PRKAR1B: variants seen among roughly 807,000 people sequenced by gnomAD.
The protein encoded by PRKAR1B is cAMP-dependent protein kinase type I-beta regulatory subunit.
In PRKAR1B, 22 loss-of-function variants were observed where a neutral mutation model predicts 46.5. That is an observed-to-expected ratio of 0.47 (90% CI 0.34 to 0.68). The LOEUF (loss-of-function observed/expected upper bound fraction) is 0.68, where lower values mean the gene tolerates loss of function less well. Ranked by LOEUF, PRKAR1B falls within the 30% of genes least tolerant of loss-of-function variation. The pLI is 0.01. For synonymous variants in PRKAR1B, 259 were observed against 217.7 expected (o/e 1.19, Z -1.67); for missense variants, 445 against 535.6 (o/e 0.83, Z 1.67).
chr7:581,662 A>G (rs1780193684), intron 8 of PRKAR1B, among the ~76,000 whole-genome samples: 1 of 152,246 alleles, frequency 6.6e-6, no homozygotes, highest in African/African-American at 2.4e-5. Context: ...TCCTGGCTAC[A>G]TTAATCTTGG....
At chr7:703,650 T>C (rs1780173730) in intron 2 of PRKAR1B, among the ~76,000 whole-genome samples, 3 of 142,990 alleles carry the variant, frequency 2.1e-5, no homozygotes, top group Non-Finnish European at 4.5e-5. Flanking sequence ...AGCAAGACTC[T>C]GTCTCAAAAA....
intron 4 of PRKAR1B, among the ~76,000 whole-genome samples, chr7:632,353 C>T (rs558383461): frequency 9.8e-5 from 15 of 152,290 alleles, no homozygotes; most frequent in African/African-American, 2.4e-4. Flanking sequence ...CGCAGAGACC[C>T]GGACTCGAGA....
At position 726,670 on chromosome 7, in the gene PRKAR1B, C is replaced by G. The variant is rs371578096; in HGVS notation, c.-23+540G>C. The G allele has an allele frequency of 1.2e-3, 1,433 of 1,202,056 alleles. 21 individuals carry two copies. In the African/African-American group the frequency reaches 0.02, roughly 17 times the overall value. 74.5% of individuals were successfully genotyped at this position (1,202,056 alleles called of 1,614,324 possible). ...ACCGGAAGTGCTGCCGTAATCTGCGCTGAGAGTCGCGAAAGCGCTGTTCCC... is the reference window on the plus strand; with the variant it reads ...ACCGGAAGTGCTGCCGTAATCTGCGGTGAGAGTCGCGAAAGCGCTGTTCCC... On this transcript the variant is annotated intron_variant, in intron 1 of 10. Coordinates refer to ENST00000537384, the MANE Select transcript of PRKAR1B (RefSeq NM_001164760.2).
intron 2 of PRKAR1B, among the ~76,000 whole-genome samples, chr7:701,235 GGGAA>G (rs1455115773): frequency 3.5e-5 from 5 of 141,518 alleles, no homozygotes; most frequent in Admixed American, 7.5e-5. Context: ...GAAGGAGGGA[GGGAA>G]GGAAGGAAGG....
At chr7:578,646 C>T (rs980179802) in intron 9 of PRKAR1B, 6 of 167,478 alleles carry the variant, frequency 3.6e-5, no homozygotes, top group African/African-American at 1.4e-4. Context: ...CCCTCGCACG[C>T]CCTGTGTGCA....
chr7:562,190 C>T (rs1458074503), intron 9 of PRKAR1B, among the ~76,000 whole-genome samples: 2 of 151,774 alleles, frequency 1.3e-5, no homozygotes, highest in African/African-American at 4.8e-5. Flanking sequence ...TCTGCAGGTT[C>T]CGGGGAACCA....
At chr7:629,562 C>T (rs1248505109) in intron 4 of PRKAR1B, among the ~76,000 whole-genome samples, 1 of 98,802 alleles carries the variant, frequency 1.0e-5, no homozygotes. Flanking sequence ...CCACGGCCTC[C>T]CAGGGCGCCA....
chr7:601,168 C>T (rs560032444), intron 6 of PRKAR1B, among the ~76,000 whole-genome samples: 226 of 152,324 alleles, frequency 1.5e-3, no homozygotes, highest in African/African-American at 5.1e-3. Flanking sequence ...CAGTTAAATA[C>T]CCACGGCAAA....
chr7:627,717 C>T (rs1283407019), intron 4 of PRKAR1B, among the ~76,000 whole-genome samples: 2 of 152,106 alleles, frequency 1.3e-5, no homozygotes, highest in Non-Finnish European at 2.9e-5. Context: ...CCAGAGCCCC[C>T]CGCCCAGCTC....
intron 6 of PRKAR1B, among the ~76,000 whole-genome samples, chr7:597,077 T>C (rs1487154957): frequency 3.3e-5 from 5 of 152,262 alleles, no homozygotes; most frequent in Non-Finnish European, 7.3e-5. Context: ...AGATTGTTTA[T>C]TATGCAGTGA....
intron 6 of PRKAR1B, among the ~76,000 whole-genome samples, chr7:601,772 C>T (rs1781615511): frequency 6.6e-6 from 1 of 152,226 alleles, no homozygotes; most frequent in Admixed American, 6.5e-5. Context: ...GCCCGGCCAT[C>T]CCACGTGAGC....
chr7:578,380 G>A (rs1197011452), intron 9 of PRKAR1B, among the ~76,000 whole-genome samples: 1 of 152,232 alleles, frequency 6.6e-6, no homozygotes, highest in East Asian at 1.9e-4. Context: ...TGGGGCCGTG[G>A]CGTGAGACGG....
At chr7:725,446 C>T (rs536113260) in intron 1 of PRKAR1B, among the ~76,000 whole-genome samples, 59 of 152,304 alleles carry the variant, frequency 3.9e-4, no homozygotes, top group Admixed American at 3.1e-3. Context: ...ACAGCAACTC[C>T]GACTCCAAGC....
intron 4 of PRKAR1B, among the ~76,000 whole-genome samples, chr7:624,347 C>T (rs1030966637): frequency 2.6e-5 from 4 of 152,040 alleles, no homozygotes; most frequent in South Asian, 2.1e-4. Flanking sequence ...GCAGGAGAAT[C>T]GCTTGAATCC....
chr7:723,281 C>T (rs186346676), intron 1 of PRKAR1B, among the ~76,000 whole-genome samples: 93 of 152,330 alleles, frequency 6.1e-4, no homozygotes, highest in Non-Finnish European at 1.0e-3. Context: ...CAGCTACCCT[C>T]TAGGTCTCTG....
chr7:643,821 G>C (rs28398949), intron 4 of PRKAR1B, among the ~76,000 whole-genome samples: 15,234 of 152,174 alleles, frequency 0.1, 871 homozygotes, highest in South Asian at 0.26. Context: ...TTGTGAGGGA[G>C]CTCAAGCCCC....
At chr7:600,646 G>C (rs1781537224) in intron 6 of PRKAR1B, among the ~76,000 whole-genome samples, 1 of 152,318 alleles carries the variant, frequency 6.6e-6, no homozygotes, top group Non-Finnish European at 1.5e-5. Flanking sequence ...TCTTCCCCCA[G>C]ACGTGTTGTG....
chr7:557,630 C>A (rs1778526677), intron 9 of PRKAR1B, among the ~76,000 whole-genome samples: 1 of 152,184 alleles, frequency 6.6e-6, no homozygotes, highest in Non-Finnish European at 1.5e-5. Flanking sequence ...TCCAGCACTC[C>A]CACGACATGG....
chr7:583,684 C>CA (rs1780420754), intron 8 of PRKAR1B, among the ~76,000 whole-genome samples: 1 of 127,042 alleles, frequency 7.9e-6, no homozygotes, highest in Non-Finnish European at 1.7e-5. Flanking sequence ...ACAACCCACA[C>CA]GGTGCACTCA....
Sources: gnomAD v4.1 joint callset for allele counts (sites outside exome capture counted in the v4.1 genomes callset) on GRCh38, gnomAD v4.1.1 for gene constraint, MANE v1.5 for transcripts, NCBI Gene and HGNC (gene_info 2026-07-23, HGNC 2026-07-21) for gene names.